Variants in LINGO3 observed in about 807,000 individuals in gnomAD.
LINGO3 encodes the protein leucine-rich repeat and immunoglobulin-like domain-containing nogo receptor-interacting protein 3.
For synonymous variants in LINGO3, 427 were observed against 444.2 expected (o/e 0.96, Z 0.49); for missense variants, 750 against 867.7 (o/e 0.86, Z 1.70).
chr19:2,298,405 A>AT, the LINGO3 span, among the ~76,000 whole-genome samples: 1 of 143,592 alleles, frequency 7.0e-6, no homozygotes, highest in African/African-American at 2.6e-5. Flanking sequence ...TAATTTTTTC[A>AT]TTTTTTTGTA....
At chr19:2,300,478 G>T in the LINGO3 span, among the ~76,000 whole-genome samples, 1 of 151,818 alleles carries the variant, frequency 6.6e-6, no homozygotes, top group African/African-American at 2.4e-5. Flanking sequence ...CCCACCTGGG[G>T]CATTACCTCC....
chr19:2,291,698 CCGGGCAGCCTCCAGCCGGGGGCGGCGCCG>C lies in LINGO3; in HGVS notation c.50_78del (p.Ala17GlyfsTer204). The C allele has an allele frequency of 7.5e-7, 1 of 1,338,816 alleles. No individual in the cohort carries two copies. Among genetic ancestry groups the C allele is most frequent in the Non-Finnish European group, 9.5e-7 (1 of 1,051,692 alleles). The allele number at this position is 1,338,816 out of a possible 1,614,324, so 82.9% of individuals were successfully genotyped here. A position where few individuals can be genotyped will look rare whatever the true frequency, so the allele number is the denominator to read the frequency against. ...GTCTGCACGGTGCACTCGCAGCGGG[CCGGGCAGCCTCCAGCCGGGGGCGGCGCCG>C]CGGGCAGCAGGAGCAGGGGCAGGCT... On this transcript the variant is annotated frameshift_variant, in exon 1 of 1. Transcript: ENST00000585527. LOFTEE classifies it low-confidence loss of function (END_TRUNC).
chr19:2,297,008 C>T (rs983341383), upstream of LINGO3, among the ~76,000 whole-genome samples: 24 of 151,546 alleles, frequency 1.6e-4, no homozygotes, highest in Admixed American at 8.5e-4. Flanking sequence ...AGGAGAATGG[C>T]GTGAACCCGG....
chr19:2,300,312 A>G, the LINGO3 span, among the ~76,000 whole-genome samples: 4 of 152,106 alleles, frequency 2.6e-5, no homozygotes, highest in Non-Finnish European at 2.9e-5. Context: ...GATGACAGGT[A>G]TGAGCCACTG....
upstream of LINGO3, among the ~76,000 whole-genome samples, chr19:2,294,080 G>A (rs936127004): frequency 6.6e-6 from 1 of 152,124 alleles, no homozygotes; most frequent in Admixed American, 6.6e-5. This position sits in a 1 kb window ranked among gnomAD's most constrained non-coding sequence, Gnocchi z 4.3. Context: ...TTCACGTCCT[G>A]CCCTCCGTGC....
the LINGO3 span, among the ~76,000 whole-genome samples, chr19:2,297,256 A>C: frequency 6.2e-4 from 80 of 128,016 alleles, no homozygotes; most frequent in African/African-American, 9.9e-4. Flanking sequence ...CAGACCCCTC[A>C]CCCTGCTCTG....
chr19:2,300,021 CTCT>C, the LINGO3 span, among the ~76,000 whole-genome samples: 3 of 116,294 alleles, frequency 2.6e-5, no homozygotes, highest in Non-Finnish European at 3.9e-5. Context: ...CATGCCTGGC[CTCT>C]TTTTTTTTTT....
At chr19:2,303,829 A>G in the LINGO3 span, among the ~76,000 whole-genome samples, 1 of 152,214 alleles carries the variant, frequency 6.6e-6, no homozygotes, top group Non-Finnish European at 1.5e-5. Context: ...TGAACTGGAC[A>G]CCAGGTGCTG....
At chr19:2,302,494 C>T in the LINGO3 span, among the ~76,000 whole-genome samples, 84 of 152,356 alleles carry the variant, frequency 5.5e-4, no homozygotes, top group East Asian at 2.9e-3. Flanking sequence ...CTCGGCTCTG[C>T]GCCCCGCCGT....
At chr19:2,304,373 A>T in the LINGO3 span, among the ~76,000 whole-genome samples, 84 of 152,310 alleles carry the variant, frequency 5.5e-4, no homozygotes, top group Non-Finnish European at 5.1e-4. Context: ...GGTTGGCAGA[A>T]TGAAGGCCTC....
chr19:2,288,555 A>G (rs1245878322), downstream of LINGO3, among the ~76,000 whole-genome samples: 2 of 152,034 alleles, frequency 1.3e-5, no homozygotes, highest in African/African-American at 4.8e-5. This position sits in a 1 kb window ranked among gnomAD's most constrained non-coding sequence, Gnocchi z 6.5. Context: ...CAGGGTGGCC[A>G]CCTCTCCCTT....
chr19:2,297,092 A>C, the LINGO3 span, among the ~76,000 whole-genome samples: 995 of 150,176 alleles, frequency 6.6e-3, 9 homozygotes, highest in African/African-American at 0.023. Flanking sequence ...ACTCCGTCTC[A>C]AAAAAAAATA....
upstream of LINGO3, chr19:2,292,030 A>T: frequency 4.2e-6 from 2 of 481,778 alleles, no homozygotes; most frequent in South Asian, 3.4e-5. Flanking sequence ...TCTACAAAAA[A>T]ATAAAAGATG....
chr19:2,307,805 G>C, the LINGO3 span, among the ~76,000 whole-genome samples: 4 of 152,124 alleles, frequency 2.6e-5, no homozygotes, highest in African/African-American at 9.7e-5. Context: ...CCAGTGCCCC[G>C]GGGAGATGCC....
In LINGO3 at chr19:2,290,287, A is replaced by G; in HGVS notation, c.1490T>C (p.Val497Ala). The change falls in exon 1 of 1, where the codon GTG (valine) becomes GCG (alanine). Residue 497 changes from valine (V) to alanine (A), a missense_variant. Physicochemically the swap from Val to Ala is moderately conservative, Grantham distance 64. Transcript: ENST00000585527. This position sits in a 1 kb window ranked among gnomAD's most constrained non-coding sequence, Gnocchi z 6.0. Reference sequence around the variant, plus strand: ...CCGGTTGGCGGCCGGCTCGGGGCGCACGGTCAGCGTGGCGAAGTAGGTGTC... The same window carrying G: ...CCGGTTGGCGGCCGGCTCGGGGCGCGCGGTCAGCGTGGCGAAGTAGGTGTC... 3.8e-6 allele frequency: 6 copies of G among 1,585,264 alleles called. No individual in the cohort carries two copies. Among genetic ancestry groups the G allele is most frequent in the South Asian group, 2.2e-5 (2 of 89,234 alleles).
exon 1 of LINGO3, chr19:2,291,879 C>T (rs1378476372): frequency 1.9e-6 from 2 of 1,043,664 alleles, no homozygotes; most frequent in Non-Finnish European, 2.8e-6. Flanking sequence ...TCCGCGGCGC[C>T]TCTGCCGCCA....
chr19:2,289,879 G>C (rs990167524), exon 1 of LINGO3: 17 of 806,378 alleles, frequency 2.1e-5, no homozygotes, highest in Non-Finnish European at 3.3e-5. Flanking sequence ...AAAAAAAGGG[G>C]AAGTTCTGCC....
At chr19:2,301,573 G>A in the LINGO3 span, among the ~76,000 whole-genome samples, 2 of 152,254 alleles carry the variant, frequency 1.3e-5, no homozygotes, top group African/African-American at 2.4e-5. Flanking sequence ...ACGGGGAGGC[G>A]GAGACCCAGA....
the LINGO3 span, among the ~76,000 whole-genome samples, chr19:2,306,113 C>T: frequency 1.3e-5 from 2 of 152,222 alleles, no homozygotes; most frequent in African/African-American, 4.8e-5. Context: ...TTTGGAGCAC[C>T]CACTGTCTAC....
Sources: allele counts gnomAD v4.1 joint callset (sites outside exome capture counted in the v4.1 genomes callset), GRCh38; gene constraint gnomAD v4.1.1; non-coding constraint Gnocchi (gnomAD v3.1); transcripts MANE v1.5; gene names NCBI Gene and HGNC (gene_info 2026-07-23, HGNC 2026-07-21).